TDRD7: variants seen among roughly 807,000 people sequenced by gnomAD.
TDRD7 encodes tudor domain containing 7, also known as tudor domain-containing protein 7.
In TDRD7, 47 loss-of-function variants were observed where a neutral mutation model predicts 109.8. The observed-to-expected ratio is 0.43, with a 90% CI of 0.34 to 0.55. The LOEUF is 0.55. Among genes scored for constraint, TDRD7 ranks in the 20% least tolerant of loss-of-function variants. TDRD7 has a pLI of 0.03. For synonymous variants in TDRD7, 424 were observed against 457.3 expected (o/e 0.93, Z 0.93); for missense variants, 1,164 against 1,319.2 (o/e 0.88, Z 1.82).
rs767958212 is a variant in TDRD7 at position 97,460,705 on chromosome 9, T to G, written c.1383T>G (p.Thr461=). Residue 461 remains threonine, a synonymous_variant, in exon 7 of 17, where the codon ACT becomes ACG. Coordinates refer to ENST00000355295, the MANE Select transcript of TDRD7 (RefSeq NM_014290.3). ...DITVPPLMIP[T]EASPSVLVVE... is the part of the protein sequence containing the mutation. Reference sequence around the variant, plus strand: ...CAGTTCCTCCTTTAATGATTCCAACTGAAGCATCACCATCTGTATTGGTGG... The same window carrying G: ...CAGTTCCTCCTTTAATGATTCCAACGGAAGCATCACCATCTGTATTGGTGG... 29 of 1,614,094 alleles carry G rather than the reference T, an allele frequency of 1.8e-5. No homozygotes were observed. The highest frequency in any genetic ancestry group is 2.5e-5 in the Non-Finnish European group (29 of 1,180,046).
chr9:97,453,582 C>T (rs1375908407), intron 6 of TDRD7, among the ~76,000 whole-genome samples: 2 of 151,872 alleles, frequency 1.3e-5, no homozygotes, highest in Admixed American at 6.6e-5. Flanking sequence ...GGAAGGGGAA[C>T]CCTTTTCCCC....
chr9:97,490,558 G>C (rs537830693), intron 16 of TDRD7, among the ~76,000 whole-genome samples: 13 of 137,370 alleles, frequency 9.5e-5, no homozygotes, highest in South Asian at 2.5e-4. Flanking sequence ...GTGGGGGGGG[G>C]GGCATTTATC....
chr9:97,461,400 G>C (rs1828722833), intron 7 of TDRD7, among the ~76,000 whole-genome samples: 1 of 152,166 alleles, frequency 6.6e-6, no homozygotes, highest in African/African-American at 2.4e-5. Context: ...TTATAATCTG[G>C]GACTATGTAG....
At chr9:97,458,894 C>T (rs959616192) in intron 6 of TDRD7, among the ~76,000 whole-genome samples, 2 of 152,136 alleles carry the variant, frequency 1.3e-5, no homozygotes, top group Non-Finnish European at 2.9e-5. Context: ...TCTTCCTAAG[C>T]ATTGTATGGA....
At chr9:97,473,717 T>C (rs939980108) in intron 11 of TDRD7, 91 bp downstream of exon 11, 8 of 1,558,688 alleles carry the variant, frequency 5.1e-6, no homozygotes, top group Non-Finnish European at 7.0e-6. Flanking sequence ...ACAATTTTTT[T>C]TGTATGAACG....
At chr9:97,442,190 T>C (rs1381762139) in intron 6 of TDRD7, among the ~76,000 whole-genome samples, 1 of 152,136 alleles carries the variant, frequency 6.6e-6, no homozygotes, top group Non-Finnish European at 1.5e-5. Context: ...CACTGATAGC[T>C]TTGCCATTTT....
At chr9:97,442,557 T>G (rs890043836) in intron 6 of TDRD7, among the ~76,000 whole-genome samples, 1 of 152,200 alleles carries the variant, frequency 6.6e-6, no homozygotes, top group Non-Finnish European at 1.5e-5. Context: ...AGTAACTAAC[T>G]TTTAGATGTT....
At chr9:97,421,743 T>A (rs1400810245) in intron 1 of TDRD7, among the ~76,000 whole-genome samples, 2 of 126,652 alleles carry the variant, frequency 1.6e-5, no homozygotes, top group African/African-American at 6.0e-5. Flanking sequence ...TGTGTGTGTG[T>A]GAAGACGGAG....
intron 16 of TDRD7, among the ~76,000 whole-genome samples, chr9:97,490,249 G>T (rs569425743): frequency 6.6e-6 from 1 of 152,208 alleles, no homozygotes; most frequent in African/African-American, 2.4e-5. Context: ...AGGCAGGTGT[G>T]CTGGCAACAA....
Position 97,460,657 on chromosome 9 carries a change from T to C in TDRD7, c.1335T>C (p.Ala445=). 6.2e-7 allele frequency: 1 copy of C among 1,614,196 alleles called. No homozygotes were observed. The highest frequency in any genetic ancestry group is 8.5e-7 in the Non-Finnish European group (1 of 1,180,020). Residue 445 remains alanine (A), a synonymous_variant, in exon 7 of 17, where the codon GCT becomes GCC. Transcript: ENST00000355295. ...TAGAAGAAAGCATTGCTGAAAGTGC[T>C]AATACCTTTATGGAGGACATAACAG... ...LQVEESIAES[A]NTFMEDITVP...
intron 4 of TDRD7, among the ~76,000 whole-genome samples, chr9:97,434,909 A>G (rs958424039): frequency 2.0e-5 from 3 of 152,192 alleles, no homozygotes; most frequent in Non-Finnish European, 2.9e-5. Context: ...AAAGAAGCCA[A>G]TCTCAAAAAG....
At chr9:97,437,085 G>A (rs567811804) in intron 4 of TDRD7, among the ~76,000 whole-genome samples, 1 of 152,138 alleles carries the variant, frequency 6.6e-6, no homozygotes, top group South Asian at 2.1e-4. Flanking sequence ...CTTAGATTTT[G>A]TCAATGCATT....
At chr9:97,481,205 CT>C (rs2131175389) in intron 14 of TDRD7, among the ~76,000 whole-genome samples, 1 of 152,298 alleles carries the variant, frequency 6.6e-6, no homozygotes, top group South Asian at 2.1e-4. Flanking sequence ...AGAGATGGTT[CT>C]CCACTTCTGT....
intron 7 of TDRD7, among the ~76,000 whole-genome samples, chr9:97,461,482 A>G (rs1295296841): frequency 6.7e-5 from 3 of 44,460 alleles, no homozygotes; most frequent in Admixed American, 2.8e-4. Context: ...CTTGGACCCA[A>G]AGGTGCTCTA....
intron 12 of TDRD7, among the ~76,000 whole-genome samples, chr9:97,476,230 C>G (rs1347783286): frequency 6.6e-6 from 1 of 152,210 alleles, no homozygotes; most frequent in Non-Finnish European, 1.5e-5. Flanking sequence ...CTGCCTGGAT[C>G]TAAGGCCATG....
At position 97,460,481 on chromosome 9, in the gene TDRD7, G is replaced by A. The variant is rs779876593; in HGVS notation, c.1159G>A (p.Val387Ile). Residue 387 changes from valine (V) to isoleucine (I), a missense_variant, in exon 7 of 17, where the codon GTA becomes ATA. Val to Ile is a conservative substitution (Grantham distance 29). Transcript: ENST00000355295. ...ALKNLASLSD[V>I]CSIDYISGNP... ...AAAAAATCTTGCCTCACTTTCTGAT[G>A]TATGCAGCATAGACTACATTTCTGG... is the stretch of plus-strand genomic sequence containing the variant. The A allele has an allele frequency of 9.9e-6, 16 of 1,614,158 alleles. No homozygotes were observed. Among genetic ancestry groups the A allele is most frequent in the Non-Finnish European group, 1.4e-5 (16 of 1,180,034 alleles).
chr9:97,480,922 C>T lies in TDRD7; in HGVS notation c.2396C>T (p.Ser799Leu), dbSNP rs191427281. 19 of 1,613,866 alleles carry T rather than the reference C, an allele frequency of 1.2e-5. No homozygotes were observed. Among genetic ancestry groups the T allele is most frequent in the African/African-American group, 8.0e-5 (6 of 75,038 alleles). Reference sequence around the variant, plus strand: ...TTAAGAGATTCTGTTTTGAATTGCTCGGACTGTAGCATTAAGGTTAGCTAT... The same window carrying T: ...TTAAGAGATTCTGTTTTGAATTGCTTGGACTGTAGCATTAAGGTTAGCTAT... ...LWLRDSVLNC[S>L]DCSIKVTKVD... Residue 799 changes from serine (S) to leucine (L), a missense_variant, in exon 14 of 17, where the codon TCG becomes TTG. Transcript: ENST00000355295.
chr9:97,495,903 G>A lies in TDRD7; in HGVS notation c.*20G>A. 6.3e-7 allele frequency: 1 copy of A among 1,598,354 alleles called. No homozygotes were observed. The stretch of plus-strand genomic sequence containing the variant: ...AATTAATGACTGCCTCTGAAACCTT[G>A]ACAACTAATTCAGATTTTTTAGCAA... On this transcript the variant is annotated 3_prime_UTR_variant, in exon 17 of 17. Transcript: ENST00000355295.
intron 2 of TDRD7, among the ~76,000 whole-genome samples, chr9:97,429,753 A>G (rs968113310): frequency 9.2e-5 from 14 of 152,158 alleles, no homozygotes; most frequent in African/African-American, 3.1e-4. Flanking sequence ...TTTTCTGTTT[A>G]ATTTCTTGCT....
Sources: allele counts gnomAD v4.1 joint callset (sites outside exome capture counted in the v4.1 genomes callset), GRCh38; gene constraint gnomAD v4.1.1; transcripts MANE v1.5; gene names NCBI Gene and HGNC (gene_info 2026-07-23, HGNC 2026-07-21).